Variants in SGCZ observed in about 807,000 individuals in gnomAD.
The protein encoded by SGCZ is sarcoglycan zeta.
In SGCZ, 40 loss-of-function variants were observed where a neutral mutation model predicts 41.3. That is an observed-to-expected ratio of 0.97 (90% CI 0.75 to 1.26). The LOEUF (loss-of-function observed/expected upper bound fraction) is 1.26, where lower values mean the gene tolerates loss of function less well. Ranked by LOEUF, SGCZ falls within the 50% of genes most tolerant of loss-of-function variation. The pLI, the probability that SGCZ is intolerant of heterozygous loss-of-function variation, is 0.00. For synonymous variants in SGCZ, 206 were observed against 137.5 expected (o/e 1.50, Z -3.49); for missense variants, 552 against 369.8 (o/e 1.49, Z -4.04).
At chr8:14,206,737 C>T (rs1249270409) in intron 4 of SGCZ, among the ~76,000 whole-genome samples, 1 of 152,184 alleles carries the variant, frequency 6.6e-6, no homozygotes, top group East Asian at 1.9e-4. Context: ...GGGTATTACC[C>T]CCTAAATTAC....
intron 1 of SGCZ, among the ~76,000 whole-genome samples, chr8:14,871,310 T>G (rs970198675): frequency 2.6e-5 from 4 of 152,122 alleles, no homozygotes; most frequent in African/African-American, 9.7e-5. Context: ...TTTCAACCAC[T>G]GTGAAAGACA....
At chr8:14,899,358 T>G (rs1294968997) in intron 1 of SGCZ, among the ~76,000 whole-genome samples, 1 of 152,152 alleles carries the variant, frequency 6.6e-6, no homozygotes, top group Non-Finnish European at 1.5e-5. Context: ...TGTTAACACA[T>G]GAAGATACAT....
intron 1 of SGCZ, among the ~76,000 whole-genome samples, chr8:14,706,098 A>T (rs942376993): frequency 3.9e-5 from 6 of 151,968 alleles, no homozygotes; most frequent in African/African-American, 1.4e-4. Context: ...TTCCTCCAAA[A>T]TCTAGAATTT....
intron 3 of SGCZ, among the ~76,000 whole-genome samples, chr8:14,273,392 T>C (rs1320133124): frequency 2.6e-5 from 4 of 152,090 alleles, no homozygotes; most frequent in Non-Finnish European, 5.9e-5. Context: ...CTTTCTGAAA[T>C]GACTGTTATA....
intron 1 of SGCZ, among the ~76,000 whole-genome samples, chr8:14,862,654 T>G (rs1254180863): frequency 6.7e-6 from 1 of 149,388 alleles, no homozygotes; most frequent in Non-Finnish European, 1.5e-5. Context: ...AACCCACTTT[T>G]GTGTTTGGAC....
intron 5 of SGCZ, among the ~76,000 whole-genome samples, chr8:14,129,046 T>C (rs946408359): frequency 2.6e-5 from 4 of 151,904 alleles, no homozygotes; most frequent in African/African-American, 9.7e-5. Context: ...AACACAGTCA[T>C]GTAAAAAACC....
At chr8:14,560,724 A>G (rs1189282836) in intron 1 of SGCZ, among the ~76,000 whole-genome samples, 2 of 152,172 alleles carry the variant, frequency 1.3e-5, no homozygotes, top group African/African-American at 4.8e-5. Context: ...ACACAACTAC[A>G]AAGAAAATTG....
intron 1 of SGCZ, among the ~76,000 whole-genome samples, chr8:14,672,797 C>G (rs966469813): frequency 2.0e-5 from 3 of 152,004 alleles, no homozygotes; most frequent in African/African-American, 4.8e-5. Context: ...CTAGTAAGAC[C>G]TCTTTGCTTT....
intron 5 of SGCZ, among the ~76,000 whole-genome samples, chr8:14,116,465 T>A (rs1013482034): frequency 6.6e-6 from 1 of 152,124 alleles, no homozygotes; most frequent in Non-Finnish European, 1.5e-5. Flanking sequence ...TGCCTTAATA[T>A]GTAATTGTCA....
rs559927054 is a variant in SGCZ at position 15,041,328 on chromosome 8, C to A, written c.39+196257G>T. On this transcript the variant is annotated intron_variant, in intron 1 of 7. Transcript: ENST00000382080. ...ATATTTCAAATATAACCTAGATAAG[C>A]ATATAATTGTTAATAATTATTAAAA... Among the ~76,000 whole-genome samples, 243 of 151,812 alleles carry A rather than the reference C, an allele frequency of 1.6e-3. 1 individual carries two copies. Among genetic ancestry groups the A allele is most frequent in the South Asian group, 0.012 (56 of 4,820 alleles).
chr8:15,002,273 T>A (rs1020518864), intron 1 of SGCZ, among the ~76,000 whole-genome samples: 4 of 151,438 alleles, frequency 2.6e-5, no homozygotes, highest in African/African-American at 9.7e-5. Flanking sequence ...TTAAGAAAAC[T>A]GAAAGATAAT....
intron 1 of SGCZ, among the ~76,000 whole-genome samples, chr8:15,102,863 G>C (rs1243697368): frequency 6.6e-6 from 1 of 151,960 alleles, no homozygotes; most frequent in Non-Finnish European, 1.5e-5. Context: ...ACTGTTAATA[G>C]AGCAACACTT....
intron 1 of SGCZ, among the ~76,000 whole-genome samples, chr8:14,627,448 G>A (rs1189981830): frequency 6.6e-6 from 1 of 151,888 alleles, no homozygotes; most frequent in African/African-American, 2.4e-5. Flanking sequence ...TTCTTCCAAC[G>A]TTTTTATTTA....
intron 3 of SGCZ, among the ~76,000 whole-genome samples, chr8:14,252,844 T>C (rs1028121618): frequency 6.6e-6 from 1 of 152,200 alleles, no homozygotes; most frequent in African/African-American, 2.4e-5. Context: ...TTTTCTACTA[T>C]TTTTTCAACT....
chr8:14,711,762 T>C (rs576562174), intron 1 of SGCZ, among the ~76,000 whole-genome samples: 1 of 152,302 alleles, frequency 6.6e-6, no homozygotes, highest in Admixed American at 6.5e-5. Context: ...AAACTGCACA[T>C]AGTAACACTA....
rs1044877884 is a variant in SGCZ at position 14,439,136 on chromosome 8, A to G, written c.235-114932T>C. 3.9e-5 allele frequency among the ~76,000 whole-genome samples: 6 copies of G among 151,944 alleles called. No individual in the cohort carries two copies. The East Asian group carries it at 1.2e-3, about 29-fold the overall frequency. On this transcript the variant is annotated intron_variant, in intron 2 of 7. Coordinates refer to ENST00000382080, the MANE Select transcript of SGCZ (RefSeq NM_139167.4). ...GATTCCCCTATGGGCTCTGCCTTTG[A>G]CCGTGATACATTTGTTAAAGGGAAG... is the stretch of plus-strand genomic sequence containing the variant.
intron 1 of SGCZ, among the ~76,000 whole-genome samples, chr8:14,975,282 G>C (rs533366263): frequency 6.6e-6 from 1 of 152,136 alleles, no homozygotes; most frequent in South Asian, 2.1e-4. Flanking sequence ...CTCCAGCCTG[G>C]GCGACAGAGC....
intron 1 of SGCZ, among the ~76,000 whole-genome samples, chr8:15,055,636 G>A (rs1804676859): frequency 6.6e-6 from 1 of 152,188 alleles, no homozygotes; most frequent in Admixed American, 6.5e-5. Flanking sequence ...AGGCTCCTAG[G>A]ACCATGTGGA....
chr8:14,229,553 A>G (rs1478038), intron 4 of SGCZ, among the ~76,000 whole-genome samples: 151,294 of 152,086 alleles, frequency 0.99, 75,259 homozygotes, highest in East Asian at 1. Context: ...AAACCTAAGT[A>G]TTTTGTTAAT....
Sources: allele counts gnomAD v4.1 joint callset (sites outside exome capture counted in the v4.1 genomes callset), GRCh38; gene constraint gnomAD v4.1.1; transcripts MANE v1.5; gene names NCBI Gene and HGNC (gene_info 2026-07-23, HGNC 2026-07-21).